The following ADCK1 variants were observed in gnomAD, a reference collection of about 807,000 sequenced individuals.
ADCK1 encodes aarF domain containing kinase 1, also known as aarF domain-containing protein kinase 1.
ADCK1 carries 41 observed loss-of-function variants against 52.3 expected under a neutral mutation model. The observed-to-expected ratio is 0.78, with a 90% CI of 0.61 to 1.02. The LOEUF (loss-of-function observed/expected upper bound fraction) is 1.02. ADCK1 is among the 50% of genes least tolerant of loss of function. The pLI, the probability that ADCK1 is intolerant of heterozygous loss-of-function variation, is 0.00. For synonymous variants in ADCK1, 250 were observed against 274.6 expected (o/e 0.91, Z 0.89); for missense variants, 658 against 679.5 (o/e 0.97, Z 0.35).
intron 3 of ADCK1, among the ~76,000 whole-genome samples, chr14:77,852,675 A>ATTTATATATATATATATATATAT (rs1400469309): frequency 4.7e-5 from 2 of 42,122 alleles, no homozygotes; most frequent in Admixed American, 3.9e-4. Flanking sequence ...ATATATATAT[A>ATTTATATATATATATATATATAT]TATATATATA....
intron 3 of ADCK1, 107 bp downstream of exon 3, chr14:77,822,625 A>G: frequency 1.0e-6 from 1 of 972,078 alleles, no homozygotes; most frequent in Non-Finnish European, 1.6e-6. Context: ...GCTGGGATTA[A>G]AGGCATGAGC....
chr14:77,852,908 T>TATATATATATATATATA (rs56338375), intron 3 of ADCK1, among the ~76,000 whole-genome samples: 40 of 23,480 alleles, frequency 1.7e-3, no homozygotes, highest in South Asian at 4.5e-3. Context: ...TATATATATA[T>TATATATATATATATATA]TTTTTTTTTT....
chr14:77,902,133 C>G (rs1290498031), intron 6 of ADCK1, among the ~76,000 whole-genome samples: 2 of 152,206 alleles, frequency 1.3e-5, no homozygotes, highest in Non-Finnish European at 2.9e-5. Flanking sequence ...TATTTTTGCT[C>G]TCCTGATTGA....
chr14:77,887,160 G>A lies in ADCK1; in HGVS notation c.493G>A (p.Ala165Thr), dbSNP rs1405990447. ...GGCCTCCCTGGCCCAGGTCCACAAGGCAGTGCTGCATGATGGGCGGACGGT... is the reference window on the plus strand; with the variant it reads ...GGCCTCCCTGGCCCAGGTCCACAAGACAGTGCTGCATGATGGGCGGACGGT... Reference protein sequence around the residue: ...GTASLAQVHKAVLHDGRTVAV... With the variant: ...GTASLAQVHKTVLHDGRTVAV... The change falls in exon 5 of 11, where the codon GCA (alanine) becomes ACA (threonine). Residue 165 changes from alanine (A) to threonine (T), a missense_variant. Physicochemically the swap from Ala to Thr is moderately conservative, Grantham distance 58. Coordinates refer to ENST00000238561, the MANE Select transcript of ADCK1 (RefSeq NM_020421.4). 6.2e-7 allele frequency: 1 copy of A among 1,610,542 alleles called. No individual in the cohort carries two copies. Among genetic ancestry groups the A allele is most frequent in the Non-Finnish European group, 8.5e-7 (1 of 1,178,324 alleles).
intron 6 of ADCK1, among the ~76,000 whole-genome samples, chr14:77,901,249 C>G (rs1299238162): frequency 6.6e-6 from 1 of 151,556 alleles, no homozygotes; most frequent in Non-Finnish European, 1.5e-5. Flanking sequence ...TGGGGTTTCA[C>G]CATGTTGTCA....
intron 5 of ADCK1, among the ~76,000 whole-genome samples, chr14:77,897,665 C>T (rs1329864326): frequency 2.0e-5 from 3 of 152,188 alleles, no homozygotes; most frequent in African/African-American, 7.2e-5. Flanking sequence ...TCTTATCCAG[C>T]TTTGTTTTCT....
chr14:77,921,335 A>AAAG (rs1185138665), intron 7 of ADCK1, among the ~76,000 whole-genome samples: 4 of 144,340 alleles, frequency 2.8e-5, no homozygotes, highest in African/African-American at 1.1e-4. Flanking sequence ...TCAAAAAAAA[A>AAAG]AAAAAAAAAA....
chr14:77,854,857 G>A (rs2082385417), intron 3 of ADCK1, among the ~76,000 whole-genome samples: 1 of 152,150 alleles, frequency 6.6e-6, no homozygotes, highest in Non-Finnish European at 1.5e-5. Context: ...CCCACTCACA[G>A]GAGTGTGCTT....
At chr14:77,898,133 A>T (rs183514158) in intron 5 of ADCK1, among the ~76,000 whole-genome samples, 103 of 152,298 alleles carry the variant, frequency 6.8e-4, no homozygotes, top group Admixed American at 2.7e-3. Flanking sequence ...GGTGATGCAT[A>T]TCTGTAATCC....
intron 4 of ADCK1, among the ~76,000 whole-genome samples, chr14:77,883,904 G>A (rs1228483382): frequency 3.9e-5 from 6 of 152,208 alleles, no homozygotes; most frequent in Non-Finnish European, 8.8e-5. Flanking sequence ...GTGGGGATGG[G>A]GAATTGTGGG....
intron 3 of ADCK1, among the ~76,000 whole-genome samples, chr14:77,853,213 G>A (rs2140123278): frequency 6.6e-6 from 1 of 151,800 alleles, no homozygotes; most frequent in East Asian, 2.0e-4. Context: ...TCTGCCTCCT[G>A]GTCTCAAGCA....
At chr14:77,902,569 G>C (rs1050469227) in intron 6 of ADCK1, 2 of 152,204 alleles carry the variant, frequency 1.3e-5, no homozygotes, top group Admixed American at 1.3e-4. Context: ...TCCCAAGCTT[G>C]TTGCTGTGCT....
rs140850881 is a variant in ADCK1, at chr14:77,835,573, G to A, written c.219+13055G>A. On this transcript the variant is annotated intron_variant, in intron 3 of 10. Coordinates refer to ENST00000238561, the MANE Select transcript of ADCK1 (RefSeq NM_020421.4). ...CAACCTGTCAGACAATCAGTCACCT[G>A]GGGAGCCTTATAAAGCACACATTCC... Among the ~76,000 whole-genome samples, 809 of 152,266 alleles carry A rather than the reference G, an allele frequency of 5.3e-3. 9 individuals carry two copies. Among genetic ancestry groups the A allele is most frequent in the African/African-American group, 0.018 (757 of 41,566 alleles).
intron 7 of ADCK1, among the ~76,000 whole-genome samples, chr14:77,921,064 CG>C (rs2084038589): frequency 6.6e-6 from 1 of 151,698 alleles, no homozygotes; most frequent in South Asian, 2.1e-4. Flanking sequence ...CGGTGGCTCA[CG>C]CCTGTAATCC....
intron 4 of ADCK1, among the ~76,000 whole-genome samples, chr14:77,862,630 G>A (rs1012127009): frequency 6.6e-6 from 1 of 152,240 alleles, no homozygotes; most frequent in Admixed American, 6.5e-5. Flanking sequence ...TGGTATTGGA[G>A]TTAGGAGTTC....
chr14:77,824,392 C>T (rs2081647402), intron 3 of ADCK1, among the ~76,000 whole-genome samples: 1 of 151,890 alleles, frequency 6.6e-6, no homozygotes, highest in South Asian at 2.1e-4. Flanking sequence ...TATTCAATTT[C>T]CCTTGTCCCC....
chr14:77,891,480 G>A (rs1016060566), intron 5 of ADCK1, among the ~76,000 whole-genome samples: 2 of 152,334 alleles, frequency 1.3e-5, no homozygotes, highest in East Asian at 1.9e-4. Context: ...TTTTCTTTGC[G>A]TTTTCTTGCT....
intron 1 of ADCK1, among the ~76,000 whole-genome samples, chr14:77,803,708 C>G (rs1340173458): frequency 6.6e-6 from 1 of 152,156 alleles, no homozygotes; most frequent in Non-Finnish European, 1.5e-5. Flanking sequence ...CTTGTGACAT[C>G]CTGTTGATTT....
chr14:77,820,647 T>A (rs935997910), intron 2 of ADCK1, among the ~76,000 whole-genome samples: 5 of 150,008 alleles, frequency 3.3e-5, no homozygotes, highest in African/African-American at 1.2e-4. Flanking sequence ...TACGTGTGTG[T>A]GTGTGTGTGT....
Sources: allele counts gnomAD v4.1 joint callset (sites outside exome capture counted in the v4.1 genomes callset), GRCh38; gene constraint gnomAD v4.1.1; transcripts MANE v1.5; gene names NCBI Gene and HGNC (gene_info 2026-07-23, HGNC 2026-07-21).